SH3PXD2A: variants seen among roughly 807,000 people sequenced by gnomAD.
The protein encoded by SH3PXD2A is SH3 and PX domain-containing protein 2A.
In SH3PXD2A, 32 loss-of-function variants were observed where a neutral mutation model predicts 115.2. The ratio of observed to expected loss-of-function variants is 0.28; its 90% CI spans 0.21 to 0.37. The LOEUF is 0.37. SH3PXD2A is among the 10% of genes least tolerant of loss of function. The pLI, the probability that SH3PXD2A is intolerant of heterozygous loss-of-function variation, is 1.00. For missense variants in SH3PXD2A, 1,328 were observed against 1,498.7 expected, an observed-to-expected ratio of 0.89 and a Z score of 1.88; for synonymous variants, 610 against 629.1, an observed-to-expected ratio of 0.97 and a Z score of 0.45.
rs776241091 is a variant in SH3PXD2A at position 103,602,180 on chromosome 10, C to A, written c.3038G>T (p.Arg1013Leu). 1 of 1,574,300 alleles carries A rather than the reference C, an allele frequency of 6.4e-7. No individual in the cohort carries two copies. Among genetic ancestry groups the A allele is most frequent in the Non-Finnish European group, 8.6e-7 (1 of 1,158,574 alleles). ...LTATDGLRGV[R>L]RNSSFSTARS... ...AGCAGTGCTAAAGGAGGAGTTCCGT[C>A]GGACGCCTCGGAGGCCATCAGTGGC... is the stretch of plus-strand genomic sequence containing the variant. Residue 1013 changes from arginine (R) to leucine (L), a missense_variant, in exon 15 of 15, where the codon CGA becomes CTA. Coordinates refer to ENST00000369774, the MANE Select transcript of SH3PXD2A (RefSeq NM_001394015.1).
intron 6 of SH3PXD2A, among the ~76,000 whole-genome samples, chr10:103,670,695 C>A (rs933850572): frequency 5.3e-5 from 8 of 152,226 alleles, no homozygotes; most frequent in African/African-American, 1.9e-4. Context: ...ACAAACAGGG[C>A]AAAATCTGAG....
chr10:103,769,191 C>T lies in SH3PXD2A; in HGVS notation c.154-2022G>A, dbSNP rs537823435. On this transcript the variant is annotated intron_variant, in intron 2 of 14. Coordinates refer to ENST00000369774, the MANE Select transcript of SH3PXD2A (RefSeq NM_001394015.1). ...GTGTGTGTGTGTGTGTGCGCGCGCGCGCGCATTTATTTCCATCCATCCATC... is the reference window on the plus strand; with the variant it reads ...GTGTGTGTGTGTGTGTGCGCGCGCGTGCGCATTTATTTCCATCCATCCATC... 9.4e-5 allele frequency among the ~76,000 whole-genome samples: 14 copies of T among 149,126 alleles called. No homozygotes were observed. In the East Asian group the frequency reaches 2.2e-3, roughly 23 times the overall value.
In SH3PXD2A at chr10:103,602,099, C is replaced by T; in HGVS notation, c.3119G>A (p.Gly1040Asp). ...GGCGGGCAGTAGGGGTGAGTCTGAA[C>T]CCTGGCTGGCAGCCCGTTCGGCCAG... ...GRLAERAASQ[G>D]SDSPLLPAQR... is the part of the protein sequence containing the mutation. The change falls in exon 15 of 15, where the codon GGT (glycine) becomes GAT (aspartate). Residue 1040 changes from glycine (G) to aspartate (D), a missense_variant. By Grantham distance (94) the Gly-to-Asp change is moderately conservative (BLOSUM62 -1). Coordinates refer to ENST00000369774, the MANE Select transcript of SH3PXD2A (RefSeq NM_001394015.1). 1 of 1,592,958 alleles carries T rather than the reference C, an allele frequency of 6.3e-7. No individual in the cohort carries two copies. The highest frequency in any genetic ancestry group is 1.1e-5 in the South Asian group (1 of 87,832).
At chr10:103,786,394 G>A (rs925876701) in intron 2 of SH3PXD2A, among the ~76,000 whole-genome samples, 8 of 152,188 alleles carry the variant, frequency 5.3e-5, no homozygotes, top group African/African-American at 9.7e-5. Flanking sequence ...TTGGGGGGCT[G>A]TGGCTTGCAC....
intron 5 of SH3PXD2A, among the ~76,000 whole-genome samples, chr10:103,698,183 AG>A (rs1284443511): frequency 1.3e-5 from 2 of 152,226 alleles, no homozygotes; most frequent in Non-Finnish European, 2.9e-5. Context: ...AGGTGAAGCC[AG>A]GAAGAGCCAC....
At chr10:103,708,958 G>T (rs2038015041) in intron 5 of SH3PXD2A, among the ~76,000 whole-genome samples, 1 of 151,758 alleles carries the variant, frequency 6.6e-6, no homozygotes. Flanking sequence ...GCCCTCTCCT[G>T]CTTGGGGTGG....
At chr10:103,669,611 C>T (rs1427056175) in intron 6 of SH3PXD2A, among the ~76,000 whole-genome samples, 1 of 152,196 alleles carries the variant, frequency 6.6e-6, no homozygotes, top group East Asian at 1.9e-4. Flanking sequence ...CATGTTTAGC[C>T]CCATTTTACC....
chr10:103,607,058 C>G (rs2133917803), intron 13 of SH3PXD2A, among the ~76,000 whole-genome samples: 1 of 152,042 alleles, frequency 6.6e-6, no homozygotes, highest in East Asian at 2.0e-4. Flanking sequence ...AGGAGCGCCT[C>G]TTCCCGGCCG....
chr10:103,683,119 G>A (rs2037632201), intron 6 of SH3PXD2A, among the ~76,000 whole-genome samples: 2 of 152,096 alleles, frequency 1.3e-5, no homozygotes, highest in Admixed American at 1.3e-4. Flanking sequence ...CAACACTTTA[G>A]GAGGCTGAGG....
chr10:103,695,644 G>C (rs2037816242), intron 5 of SH3PXD2A, among the ~76,000 whole-genome samples: 2 of 152,098 alleles, frequency 1.3e-5, no homozygotes, highest in Non-Finnish European at 2.9e-5. Context: ...TTAAAATTCA[G>C]ATGCAGGGCC....
intron 1 of SH3PXD2A, among the ~76,000 whole-genome samples, chr10:103,841,427 C>T (rs571226908): frequency 2.0e-5 from 3 of 152,238 alleles, no homozygotes; most frequent in South Asian, 2.1e-4. Flanking sequence ...CTACCCATGA[C>T]GCTGCTGATG....
chr10:103,603,673 G>A lies in SH3PXD2A; in HGVS notation c.1545C>T (p.Ser515=), dbSNP rs766797185. 1 of 1,607,656 alleles carries A rather than the reference G, an allele frequency of 6.2e-7. No homozygotes were observed. The highest frequency in any genetic ancestry group is 8.5e-7 in the Non-Finnish European group (1 of 1,177,838). Residue 515 remains serine (S), a synonymous_variant, in exon 15 of 15, where the codon AGC becomes AGT. Coordinates refer to ENST00000369774, the MANE Select transcript of SH3PXD2A (RefSeq NM_001394015.1). ...RKKPNLSRRT[S]TLTRPKVPPP... is the part of the protein sequence containing the mutation. Reference sequence around the variant, plus strand: ...GGGGCACCTTGGGCCGGGTCAGCGTGCTTGTGCGGCGGCTCAGGTTGGGCT... The same window carrying A: ...GGGGCACCTTGGGCCGGGTCAGCGTACTTGTGCGGCGGCTCAGGTTGGGCT...
Position 103,625,050 on chromosome 10 carries a change from C to T in SH3PXD2A, c.718+2039G>A, listed in dbSNP as rs538096516. ...CCCACACCCACCCCCCACACACATA[C>T]ACCCACACCGCCTCTGAACGCAGAA... On this transcript the variant is annotated intron_variant, in intron 9 of 14. Transcript: ENST00000369774. Among the ~76,000 whole-genome samples the T allele has an allele frequency of 3.9e-4, 60 of 152,338 alleles. No homozygotes were observed. The East Asian group carries it at 7.9e-3, about 20-fold the overall frequency.
chr10:103,837,507 C>CA (rs1169083309), intron 1 of SH3PXD2A, among the ~76,000 whole-genome samples: 2 of 152,192 alleles, frequency 1.3e-5, no homozygotes, highest in African/African-American at 2.4e-5. Flanking sequence ...CAGGTGCACC[C>CA]ACTTGGGCAG....
chr10:103,726,351 T>G (rs962461635), intron 4 of SH3PXD2A, among the ~76,000 whole-genome samples: 1 of 152,162 alleles, frequency 6.6e-6, no homozygotes, highest in Admixed American at 6.5e-5. Flanking sequence ...GAAATTCTCA[T>G]GAGGGTCGTC....
intron 8 of SH3PXD2A, among the ~76,000 whole-genome samples, chr10:103,648,766 A>G (rs561605174): frequency 6.6e-6 from 1 of 152,370 alleles, no homozygotes; most frequent in East Asian, 1.9e-4. Flanking sequence ...AAATTGCAAG[A>G]TCAGATCGTC....
chr10:103,806,184 G>A (rs2039200539), intron 1 of SH3PXD2A, among the ~76,000 whole-genome samples: 1 of 152,116 alleles, frequency 6.6e-6, no homozygotes, highest in South Asian at 2.1e-4. Context: ...CCAAACTTCG[G>A]GGATTTGCCA....
At chr10:103,736,153 T>G (rs2038378525) in intron 3 of SH3PXD2A, among the ~76,000 whole-genome samples, 1 of 152,184 alleles carries the variant, frequency 6.6e-6, no homozygotes, top group Non-Finnish European at 1.5e-5. Context: ...CAACACAAAG[T>G]AGAGCCCAGC....
chr10:103,826,232 G>A (rs1239296683), intron 1 of SH3PXD2A, among the ~76,000 whole-genome samples: 1 of 152,114 alleles, frequency 6.6e-6, no homozygotes, highest in East Asian at 1.9e-4. Context: ...GTTTGCTCAG[G>A]TCACCATGTG....
Sources: allele counts gnomAD v4.1 joint callset (sites outside exome capture counted in the v4.1 genomes callset), GRCh38; gene constraint gnomAD v4.1.1; transcripts MANE v1.5; gene names NCBI Gene and HGNC (gene_info 2026-07-23, HGNC 2026-07-21).